The following ARRDC4 variants were observed in gnomAD, a reference collection of about 807,000 sequenced individuals.
ARRDC4 encodes the protein arrestin domain-containing protein 4.
ARRDC4 carries 40 observed loss-of-function variants against 44.6 expected under a neutral mutation model. That is an observed-to-expected ratio of 0.90 (90% CI 0.70 to 1.17). The LOEUF is 1.17. Among genes scored for constraint, ARRDC4 ranks in the 50% most tolerant of loss-of-function variants. The pLI, the probability that ARRDC4 is intolerant of heterozygous loss-of-function variation, is 0.00. For missense variants in ARRDC4, 550 were observed against 559.1 expected, an observed-to-expected ratio of 0.98 and a Z score of 0.16; for synonymous variants, 211 against 221.2, an observed-to-expected ratio of 0.95 and a Z score of 0.41.
intron 4 of ARRDC4, 50 bp from the exon 5 acceptor site, chr15:97,969,073 G>C (rs774981988): frequency 6.3e-7 from 1 of 1,589,700 alleles, no homozygotes; most frequent in East Asian, 2.2e-5. Context: ...ATTGTGGTGA[G>C]AACTTTTTCA....
intron 1 of ARRDC4, among the ~76,000 whole-genome samples, chr15:97,964,199 A>G (rs1279845949): frequency 2.6e-5 from 4 of 152,214 alleles, no homozygotes; most frequent in African/African-American, 9.7e-5. Context: ...TTGAAATGTC[A>G]GCTGACTTGG....
At position 97,965,564 on chromosome 15, in the gene ARRDC4, C is replaced by G; in HGVS notation, c.308-36C>G. ...GTGAAAACTCTTGATCTAATACTAA[C>G]TATCCTTCATTAAAATAAAATACAA... On this transcript the variant is annotated intron_variant, in intron 1 of 7. Transcript: ENST00000268042. The surrounding 1 kb of genome is among the most constrained non-coding windows in gnomAD (Gnocchi z 5.1). 6.6e-7 allele frequency: 1 copy of G among 1,515,388 alleles called. No individual in the cohort carries two copies. Among genetic ancestry groups the G allele is most frequent in the Non-Finnish European group, 9.2e-7 (1 of 1,091,336 alleles). 93.9% of individuals were successfully genotyped at this position (1,515,388 alleles called of 1,614,324 possible). A position where few individuals can be genotyped will look rare whatever the true frequency, so the allele number is the denominator to read the frequency against.
In ARRDC4 at chr15:97,972,040, C is replaced by T. The variant is rs1055293619; in HGVS notation, c.*853C>T. On this transcript the variant is annotated 3_prime_UTR_variant, in exon 8 of 8. Transcript: ENST00000268042. The surrounding 1 kb of genome is among the most constrained non-coding windows in gnomAD (Gnocchi z 5.3). ...TTGCATCTGCAGGATGCCTTGATAACTACACAGTCCCAAATAAAAGGCCTT... is the reference window on the plus strand; with the variant it reads ...TTGCATCTGCAGGATGCCTTGATAATTACACAGTCCCAAATAAAAGGCCTT... The T allele has an allele frequency of 1.3e-5, 2 of 152,582 alleles. No individual in the cohort carries two copies. The allele number at this position is 152,582 out of a possible 1,614,324, so 9.5% of individuals were successfully genotyped here.
At chr15:97,962,787 T>C (rs75602298) in intron 1 of ARRDC4, among the ~76,000 whole-genome samples, 4,451 of 152,212 alleles carry the variant, frequency 0.029, 228 homozygotes, top group African/African-American at 0.1. Flanking sequence ...ACCCCTAATA[T>C]CTATAGCTTG....
chr15:97,969,850 C>T, intron 5 of ARRDC4, 33 bp from the exon 6 acceptor site: 6 of 1,470,582 alleles, frequency 4.1e-6, no homozygotes, highest in East Asian at 2.3e-5. Flanking sequence ...ACATTTGTTC[C>T]TTTCTCTTTT....
Position 97,960,790 on chromosome 15 carries a change from G to T in ARRDC4, c.-72G>T. ...CCTGCCGCGAGCGCCTGTGACAGCG[G>T]CGCCGCTGTGCTCGCGACCCCGGCT... On this transcript the variant is annotated 5_prime_UTR_variant, in exon 1 of 8. Transcript: ENST00000268042. 8.1e-7 allele frequency: 1 copy of T among 1,238,932 alleles called. No homozygotes were observed. 76.7% of individuals were successfully genotyped at this position (1,238,932 alleles called of 1,614,324 possible). A position where few individuals can be genotyped will look rare whatever the true frequency, so the allele number is the denominator to read the frequency against.
In ARRDC4 at chr15:97,968,238, AGT is replaced by A. The variant is rs1175425328; in HGVS notation, c.625+124_625+125del. 2.2e-6 allele frequency: 1 copy of A among 454,186 alleles called. No homozygotes were observed. Among genetic ancestry groups the A allele is most frequent in the African/African-American group, 2.0e-5 (1 of 49,294 alleles). 28.1% of individuals were successfully genotyped at this position (454,186 alleles called of 1,614,324 possible). On this transcript the variant is annotated intron_variant, in intron 4 of 7. Transcript: ENST00000268042. The surrounding 1 kb of genome is among the most constrained non-coding windows in gnomAD (Gnocchi z 5.4). ...GTGTATAGTATTTTAAAACATGAAT[AGT>A]GATACATTTTTTATATAAATAATTG...
intron 1 of ARRDC4, among the ~76,000 whole-genome samples, chr15:97,963,856 C>T (rs1055061696): frequency 2.0e-5 from 3 of 152,132 alleles, no homozygotes; most frequent in African/African-American, 7.2e-5. Context: ...GAACTTTAGC[C>T]CAGCTCTTTT....
Position 97,971,656 on chromosome 15 carries a change from TC to T in ARRDC4, c.*471del, listed in dbSNP as rs1318286088. The T allele has an allele frequency of 6.1e-6, 1 of 164,810 alleles. No homozygotes were observed. Among genetic ancestry groups the T allele is most frequent in the Non-Finnish European group, 1.3e-5 (1 of 74,848 alleles). 10.2% of individuals were successfully genotyped at this position (164,810 alleles called of 1,614,324 possible). A position where few individuals can be genotyped will look rare whatever the true frequency, so the allele number is the denominator to read the frequency against. Reference sequence around the variant, plus strand: ...GGCCCACTCCAAATACGAAGTGAGATCCTGAGTCTTTGGGTGCTTCATGATT... The same window carrying T: ...GGCCCACTCCAAATACGAAGTGAGATCTGAGTCTTTGGGTGCTTCATGATT... On this transcript the variant is annotated 3_prime_UTR_variant, in exon 8 of 8. Transcript: ENST00000268042.
rs1172101813 is a variant in ARRDC4 at position 97,967,472 on chromosome 15, C to T, written c.523-542C>T. ...GGTTAACACTACACATGTTATTGCA[C>T]TATTACACAAAACCCCAAAACCACT... On this transcript the variant is annotated intron_variant, in intron 3 of 7. Transcript: ENST00000268042. This position sits in a 1 kb window ranked among gnomAD's most constrained non-coding sequence, Gnocchi z 5.0. Among the ~76,000 whole-genome samples, 2 of 151,996 alleles carry T rather than the reference C, an allele frequency of 1.3e-5. No individual in the cohort carries two copies. Among genetic ancestry groups the T allele is most frequent in the African/African-American group, 2.4e-5 (1 of 41,370 alleles).
chr15:97,961,109 C>G lies in ARRDC4; in HGVS notation c.248C>G (p.Ala83Gly), dbSNP rs529026694. 1.4e-5 allele frequency: 21 copies of G among 1,458,032 alleles called. No individual in the cohort carries two copies. Among genetic ancestry groups the G allele is most frequent in the Non-Finnish European group, 1.9e-5 (21 of 1,113,212 alleles). 90.3% of individuals were successfully genotyped at this position (1,458,032 alleles called of 1,614,324 possible). The change falls in exon 1 of 8, where the codon GCT (alanine) becomes GGT (glycine). Residue 83 changes from alanine to glycine, a missense_variant. Coordinates refer to ENST00000268042, the MANE Select transcript of ARRDC4 (RefSeq NM_183376.3). ...GCCTCGGCCAGCACCGCGGCCCTGG[C>G]TGTCTTCTCGGAGGTGGAGTACCTG... Reference protein sequence around the residue: ...PRASASTAALAVFSEVEYLNV... With the variant: ...PRASASTAALGVFSEVEYLNV...
rs1899401237 is a variant in ARRDC4 at position 97,965,489 on chromosome 15, A to G, written c.308-111A>G. On this transcript the variant is annotated intron_variant, in intron 1 of 7. Coordinates refer to ENST00000268042, the MANE Select transcript of ARRDC4 (RefSeq NM_183376.3). The surrounding 1 kb of genome is among the most constrained non-coding windows in gnomAD (Gnocchi z 5.1). ...CATTTGTTTAATGAACTTTTGGAGT[A>G]TGCTGCATTTTGTAGCGAGAAAAAC... 4.7e-6 allele frequency: 4 copies of G among 847,426 alleles called. No individual in the cohort carries two copies. The highest frequency in any genetic ancestry group is 3.9e-5 in the Admixed American group (2 of 51,542). 52.5% of individuals were successfully genotyped at this position (847,426 alleles called of 1,614,324 possible). A position where few individuals can be genotyped will look rare whatever the true frequency, so the allele number is the denominator to read the frequency against.
In ARRDC4 at chr15:97,968,044, G is replaced by T; in HGVS notation, c.553G>T (p.Val185Phe). The T allele has an allele frequency of 6.3e-7, 1 of 1,597,712 alleles. No homozygotes were observed. Among genetic ancestry groups the T allele is most frequent in the Non-Finnish European group, 8.5e-7 (1 of 1,171,710 alleles). The change falls in exon 4 of 8, where the codon GTT becomes TTT. Residue 185 changes from valine (V) to phenylalanine (F), a missense_variant. Coordinates refer to ENST00000268042, the MANE Select transcript of ARRDC4 (RefSeq NM_183376.3). The surrounding 1 kb of genome is among the most constrained non-coding windows in gnomAD (Gnocchi z 5.4). ...TGTATTGAAAACTCAAGAGAAAATGGTTGGCTGTTGGTTTTTCACTTCTGG... is the reference window on the plus strand; with the variant it reads ...TGTATTGAAAACTCAAGAGAAAATGTTTGGCTGTTGGTTTTTCACTTCTGG... ...TPVLKTQEKM[V>F]GCWFFTSGPV...
Position 97,973,285 on chromosome 15 carries a change from T to C in ARRDC4, c.*2098T>C, listed in dbSNP as rs567620079. 2 of 152,740 alleles carry C rather than the reference T, an allele frequency of 1.3e-5. No individual in the cohort carries two copies. Among genetic ancestry groups the C allele is most frequent in the South Asian group, 4.1e-4 (2 of 4,826 alleles). The allele number at this position is 152,740 out of a possible 1,614,324, so 9.5% of individuals were successfully genotyped here. ...AAAGGAATCCTTCACTAGGATTGTC[T>C]TATCACCTTTATTAGATAAATCATG... On this transcript the variant is annotated 3_prime_UTR_variant, in exon 8 of 8. Coordinates refer to ENST00000268042, the MANE Select transcript of ARRDC4 (RefSeq NM_183376.3).
rs189244808 is a variant in ARRDC4 at position 97,965,778 on chromosome 15, T to C, written c.374+112T>C. The C allele has an allele frequency of 1.6e-3, 2,344 of 1,492,270 alleles. 3 individuals carry two copies. Among genetic ancestry groups the C allele is most frequent in the Non-Finnish European group, 2.0e-3 (2,206 of 1,076,382 alleles). 92.4% of individuals were successfully genotyped at this position (1,492,270 alleles called of 1,614,324 possible). A position where few individuals can be genotyped will look rare whatever the true frequency, so the allele number is the denominator to read the frequency against. On this transcript the variant is annotated intron_variant, in intron 2 of 7. Coordinates refer to ENST00000268042, the MANE Select transcript of ARRDC4 (RefSeq NM_183376.3). The surrounding 1 kb of genome is among the most constrained non-coding windows in gnomAD (Gnocchi z 5.1). Reference sequence around the variant, plus strand: ...AAGTATGCATGTTTACACTGAATAGTCCCTAAATAGACTTACTCTTTTTTT... The same window carrying C: ...AAGTATGCATGTTTACACTGAATAGCCCCTAAATAGACTTACTCTTTTTTT...
rs764777541 is a variant in ARRDC4 at position 97,970,066 on chromosome 15, T to G, written c.1045+21T>G. 8.8e-6 allele frequency: 14 copies of G among 1,598,928 alleles called. No homozygotes were observed. The highest frequency in any genetic ancestry group is 1.2e-5 in the Non-Finnish European group (14 of 1,168,382). ...TGAAGGTAAAATATGTTGGCGTTCT[T>G]TCATAACGAAGCTTTACCTAGAAAA... On this transcript the variant is annotated intron_variant, in intron 6 of 7. Transcript: ENST00000268042. The surrounding 1 kb of genome is among the most constrained non-coding windows in gnomAD (Gnocchi z 4.2).
intron 1 of ARRDC4, among the ~76,000 whole-genome samples, chr15:97,961,588 C>A (rs1447724864): frequency 6.6e-6 from 1 of 152,208 alleles, no homozygotes; most frequent in Non-Finnish European, 1.5e-5. Flanking sequence ...ATCCTGCATA[C>A]GTTCTTGGTT....
In ARRDC4 at chr15:97,968,811, A is replaced by G. The variant is rs1377266368; in HGVS notation, c.626-312A>G. Among the ~76,000 whole-genome samples the G allele has an allele frequency of 2.6e-5, 4 of 152,232 alleles. No individual in the cohort carries two copies. The highest frequency in any genetic ancestry group is 9.6e-5 in the African/African-American group (4 of 41,470). On this transcript the variant is annotated intron_variant, in intron 4 of 7. Coordinates refer to ENST00000268042, the MANE Select transcript of ARRDC4 (RefSeq NM_183376.3). The surrounding 1 kb of genome is among the most constrained non-coding windows in gnomAD (Gnocchi z 5.4). Reference sequence around the variant, plus strand: ...TTGTTAGTGATCTTTTATACTTAACATAGTCCTGAATCATTTATTTGTATG... The same window carrying G: ...TTGTTAGTGATCTTTTATACTTAACGTAGTCCTGAATCATTTATTTGTATG...
rs557228522 is a variant in ARRDC4 at position 97,960,744 on chromosome 15, C to G, written c.-118C>G. On this transcript the variant is annotated 5_prime_UTR_variant, in exon 1 of 8. Transcript: ENST00000268042. ...AGCCGGTGCCCCATCGGGTACCGCA[C>G]GGCTGCCGCGGCGGCCTTACCCTGC... 5.1e-5 allele frequency: 48 copies of G among 934,778 alleles called. 1 individual carries two copies. In the African/African-American group the frequency reaches 7.2e-4, roughly 14 times the overall value. The allele number at this position is 934,778 out of a possible 1,614,324, so 57.9% of individuals were successfully genotyped here. A position where few individuals can be genotyped will look rare whatever the true frequency, so the allele number is the denominator to read the frequency against.
Sources: allele counts gnomAD v4.1 joint callset (sites outside exome capture counted in the v4.1 genomes callset), GRCh38; gene constraint gnomAD v4.1.1; non-coding constraint Gnocchi (gnomAD v3.1); transcripts MANE v1.5; gene names NCBI Gene and HGNC (gene_info 2026-07-23, HGNC 2026-07-21).